Variants in UGGT1 observed in about 807,000 individuals in gnomAD.
UGGT1 encodes the protein UDP-glucose glycoprotein glucosyltransferase 1.
In UGGT1, 107 loss-of-function variants were observed where a neutral mutation model predicts 203.9. The observed-to-expected ratio is 0.52, with a 90% CI of 0.45 to 0.62. UGGT1 has a LOEUF of 0.62. Among genes scored for constraint, UGGT1 ranks in the 20% least tolerant of loss-of-function variants. The pLI is 0.00. For synonymous variants in UGGT1, 628 were observed against 653.5 expected (o/e 0.96, Z 0.59); for missense variants, 1,673 against 1,867.2 (o/e 0.90, Z 1.92).
At chr2:128,123,856 ATTTCCT>A (rs1443589937) in intron 11 of UGGT1, among the ~76,000 whole-genome samples, 1 of 151,700 alleles carries the variant, frequency 6.6e-6, no homozygotes, top group African/African-American at 2.4e-5. Flanking sequence ...TTTTTGGTTT[ATTTCCT>A]TGTTTTGGTA....
chr2:128,122,806 A>C (rs1426288516), intron 10 of UGGT1, among the ~76,000 whole-genome samples: 1 of 152,216 alleles, frequency 6.6e-6, no homozygotes, highest in African/African-American at 2.4e-5. Flanking sequence ...TTGAAGGTAT[A>C]CATGAATGAT....
intron 5 of UGGT1, among the ~76,000 whole-genome samples, chr2:128,111,491 T>TTTTA (rs1020176801): frequency 1.3e-5 from 2 of 152,124 alleles, no homozygotes; most frequent in African/African-American, 2.4e-5. Flanking sequence ...ATACTTATAT[T>TTTTA]TTTATTTATT....
At position 128,113,260 on chromosome 2, in the gene UGGT1, T is replaced by C; in HGVS notation, c.696+2T>C. The C allele has an allele frequency of 6.3e-7, 1 of 1,592,162 alleles. No individual in the cohort carries two copies. The highest frequency in any genetic ancestry group is 8.6e-7 in the Non-Finnish European group (1 of 1,167,136). The stretch of plus-strand genomic sequence containing the variant: ...TATGTATTCAGACATTATATATTTG[T>C]AAGTATTGACTTATTTTACACCTGT... On this transcript the variant is annotated splice_donor_variant, in intron 6 of 40. Coordinates refer to ENST00000259253, the MANE Select transcript of UGGT1 (RefSeq NM_020120.4). LOFTEE classifies it high-confidence loss of function.
intron 18 of UGGT1, among the ~76,000 whole-genome samples, chr2:128,147,957 T>C (rs1689769343): frequency 6.6e-6 from 1 of 152,214 alleles, no homozygotes; most frequent in Non-Finnish European, 1.5e-5. Flanking sequence ...GAATTTGAAA[T>C]AATATAATGT....
chr2:128,114,367 C>T (rs1422433652), intron 6 of UGGT1, among the ~76,000 whole-genome samples: 10 of 152,186 alleles, frequency 6.6e-5, no homozygotes, highest in African/African-American at 2.4e-4. Flanking sequence ...ATCTGACCGC[C>T]TCAGCCTCCC....
rs375962983 is a variant in UGGT1, at chr2:128,178,572, C to G, written c.3815+3C>G. 130 of 1,603,290 alleles carry G rather than the reference C, an allele frequency of 8.1e-5. No homozygotes were observed. In the Middle Eastern group the frequency reaches 1.2e-3, roughly 14 times the overall value. On this transcript the variant is annotated splice_donor_region_variant and intron_variant, in intron 34 of 40. Coordinates refer to ENST00000259253, the MANE Select transcript of UGGT1 (RefSeq NM_020120.4). Reference sequence around the variant, plus strand: ...CATCTCTACGAAAGATTTCTTCGGTCAGTCTTGTTGATTATTTCATTATAT... The same window carrying G: ...CATCTCTACGAAAGATTTCTTCGGTGAGTCTTGTTGATTATTTCATTATAT...
In UGGT1 at chr2:128,161,280, C is replaced by A; in HGVS notation, c.2825+12C>A. On this transcript the variant is annotated intron_variant, in intron 25 of 40. Coordinates refer to ENST00000259253, the MANE Select transcript of UGGT1 (RefSeq NM_020120.4). ...GTAGAAGAAGATGTGTAAGTTTTGC[C>A]ATAGGAGGAATTACAGGGGTTATAT... 6.2e-7 allele frequency: 1 copy of A among 1,612,138 alleles called. No individual in the cohort carries two copies. The highest frequency in any genetic ancestry group is 1.1e-5 in the South Asian group (1 of 90,848).
chr2:128,121,253 T>G lies in UGGT1; in HGVS notation c.1028T>G (p.Leu343Trp). Residue 343 changes from leucine (L) to tryptophan (W), a missense_variant, in exon 10 of 41, where the codon TTG becomes TGG. Coordinates refer to ENST00000259253, the MANE Select transcript of UGGT1 (RefSeq NM_020120.4). ...TTGGCTTCTCCTGTTGAGTTGGCTT[T>G]GGTTGTCATGAAGGATCTTAGTCAG... Reference protein sequence around the residue: ...RILASPVELALVVMKDLSQNF... With the variant: ...RILASPVELAWVVMKDLSQNF... The G allele has an allele frequency of 6.2e-7, 1 of 1,613,512 alleles. No homozygotes were observed. Among genetic ancestry groups the G allele is most frequent in the Non-Finnish European group, 8.5e-7 (1 of 1,179,874 alleles).
intron 8 of UGGT1, among the ~76,000 whole-genome samples, chr2:128,119,839 C>T (rs1333454829): frequency 6.6e-6 from 1 of 151,482 alleles, no homozygotes; most frequent in Non-Finnish European, 1.5e-5. Flanking sequence ...CAGTATAAGC[C>T]TTTTTTTACT....
At chr2:128,183,298 G>A (rs1309981342) in intron 37 of UGGT1, among the ~76,000 whole-genome samples, 1 of 152,216 alleles carries the variant, frequency 6.6e-6, no homozygotes, top group Non-Finnish European at 1.5e-5. Flanking sequence ...CAAAAGAACT[G>A]TAAGGACTGT....
chr2:128,113,656 T>C (rs1687968604), intron 6 of UGGT1, among the ~76,000 whole-genome samples: 1 of 152,198 alleles, frequency 6.6e-6, no homozygotes, highest in African/African-American at 2.4e-5. Flanking sequence ...AGGCGATTCA[T>C]AGGTAGACTT....
chr2:128,186,767 G>T lies in UGGT1; in HGVS notation c.4444G>T (p.Ala1482Ser). 1 of 1,613,010 alleles carries T rather than the reference G, an allele frequency of 6.2e-7. No individual in the cohort carries two copies. Among genetic ancestry groups the T allele is most frequent in the South Asian group, 1.1e-5 (1 of 90,932 alleles). Residue 1482 changes from alanine (A) to serine (S), a missense_variant, in exon 39 of 41, where the codon GCC becomes TCC. Coordinates refer to ENST00000259253, the MANE Select transcript of UGGT1 (RefSeq NM_020120.4). The stretch of plus-strand genomic sequence containing the variant: ...TTGGTGTGAAACGTGGTGTGATGAC[G>T]CCTCTAAGAAAAGGGCAAAAACCAT... ...WLWCETWCDD[A>S]SKKRAKTIDL...
At chr2:128,092,141 C>T (rs534867815) in intron 1 of UGGT1, among the ~76,000 whole-genome samples, 74 of 152,102 alleles carry the variant, frequency 4.9e-4, no homozygotes, top group African/African-American at 1.6e-3. Context: ...GCCCTCTTTC[C>T]TTCAAGAATC....
chr2:128,118,519 C>T (rs1354956645), intron 8 of UGGT1, among the ~76,000 whole-genome samples: 1 of 152,166 alleles, frequency 6.6e-6, no homozygotes, highest in Non-Finnish European at 1.5e-5. Context: ...CCTGCCTTGG[C>T]TTCCCAAAGT....
At chr2:128,156,958 C>T (rs1177397143) in intron 21 of UGGT1, among the ~76,000 whole-genome samples, 2 of 152,126 alleles carry the variant, frequency 1.3e-5, no homozygotes, top group African/African-American at 2.4e-5. Flanking sequence ...ATATGTTACC[C>T]ACATGTTCAA....
intron 29 of UGGT1, 145 bp from the exon 30 acceptor site, chr2:128,173,636 A>C (rs563894435): frequency 5.6e-5 from 56 of 1,004,544 alleles, no homozygotes; most frequent in Non-Finnish European, 7.9e-5. Context: ...CTGTCATTAT[A>C]CTTTTGTCTT....
intron 13 of UGGT1, among the ~76,000 whole-genome samples, chr2:128,130,101 A>G (rs1688802371): frequency 6.6e-6 from 1 of 152,086 alleles, no homozygotes; most frequent in Non-Finnish European, 1.5e-5. Context: ...TCTGTACTCA[A>G]AATACAAAAA....
Position 128,138,853 on chromosome 2 carries a change from G to A in UGGT1, c.1719+1G>A. On this transcript the variant is annotated splice_donor_variant, in intron 16 of 40. Coordinates refer to ENST00000259253, the MANE Select transcript of UGGT1 (RefSeq NM_020120.4). LOFTEE classifies it high-confidence loss of function. ...TCATGCCTTCCAGACTCTGACACATGTACGTTTTTGTTCAGAATGGCAAAT... is the reference window on the plus strand; with the variant it reads ...TCATGCCTTCCAGACTCTGACACATATACGTTTTTGTTCAGAATGGCAAAT... 1 of 1,611,518 alleles carries A rather than the reference G, an allele frequency of 6.2e-7. No individual in the cohort carries two copies. The highest frequency in any genetic ancestry group is 8.5e-7 in the Non-Finnish European group (1 of 1,179,380).
chr2:128,122,752 A>C (rs553766957), intron 10 of UGGT1, among the ~76,000 whole-genome samples: 27 of 152,258 alleles, frequency 1.8e-4, no homozygotes, highest in African/African-American at 6.5e-4. Flanking sequence ...TTTATTTGGG[A>C]CTTAGACATC....
Sources: gnomAD v4.1 joint callset for allele counts (sites outside exome capture counted in the v4.1 genomes callset) on GRCh38, gnomAD v4.1.1 for gene constraint, MANE v1.5 for transcripts, NCBI Gene and HGNC (gene_info 2026-07-23, HGNC 2026-07-21) for gene names.